The following RPRD2 variants were observed in gnomAD, a reference collection of about 807,000 sequenced individuals.
RPRD2 encodes regulation of nuclear pre-mRNA domain-containing protein 2.
In RPRD2, 12 loss-of-function variants were observed where a neutral mutation model predicts 104.4. That is an observed-to-expected ratio of 0.11 (90% CI 0.07 to 0.19). The LOEUF (loss-of-function observed/expected upper bound fraction) is 0.19. RPRD2 is among the 10% of genes least tolerant of loss of function. The probability of loss-of-function intolerance (pLI) is 1.00; values close to 1 mark genes in which losing one functional copy is unlikely to be tolerated. For synonymous variants in RPRD2, 714 were observed against 684.9 expected, an observed-to-expected ratio of 1.04 and a Z score of -0.66; for missense variants, 1,543 against 1,790.1, an observed-to-expected ratio of 0.86 and a Z score of 2.49.
In RPRD2 at chr1:150,464,602, C is replaced by T; in HGVS notation, c.1487C>T (p.Pro496Leu). The T allele has an allele frequency of 6.2e-7, 1 of 1,609,334 alleles. No homozygotes were observed. The highest frequency in any genetic ancestry group is 8.5e-7 in the Non-Finnish European group (1 of 1,177,802). ...PSNLTSGLKTPAPATTTSHNP... is the reference protein window; with the variant it reads ...PSNLTSGLKTLAPATTTSHNP... ...AACCTCACCAGTGGCCTGAAAACAC[C>T]TGCACCTGCCACGACAACATCTCAC... Residue 496 changes from proline (P) to leucine (L), a missense_variant, in exon 10 of 11, where the codon CCT becomes CTT. Transcript: ENST00000369068.
Position 150,364,586 on chromosome 1 carries a change from C to A in RPRD2, c.-129C>A. ...CTCCAGAAGAGCCCAGCGCGTGCACCATCCCCACCCCCTAGCTTCCCTCCC... is the reference window on the plus strand; with the variant it reads ...CTCCAGAAGAGCCCAGCGCGTGCACAATCCCCACCCCCTAGCTTCCCTCCC... On this transcript the variant is annotated 5_prime_UTR_variant, in exon 1 of 11. Transcript: ENST00000369068. 1 of 606,670 alleles carries A rather than the reference C, an allele frequency of 1.6e-6. No individual in the cohort carries two copies. The highest frequency in any genetic ancestry group is 2.9e-6 in the Non-Finnish European group (1 of 346,404). The allele number at this position is 606,670 out of a possible 1,614,324, so 37.6% of individuals were successfully genotyped here.
intron 2 of RPRD2, among the ~76,000 whole-genome samples, chr1:150,438,151 A>G (rs1553893582): frequency 2.6e-5 from 4 of 151,678 alleles, no homozygotes; most frequent in African/African-American, 9.7e-5. Flanking sequence ...TTAGCCGGGC[A>G]TGGTGTCACT....
intron 1 of RPRD2, among the ~76,000 whole-genome samples, chr1:150,388,389 C>T (rs1661778477): frequency 6.7e-6 from 1 of 149,498 alleles, no homozygotes; most frequent in Non-Finnish European, 1.5e-5. Context: ...TACACGTATA[C>T]ACATGTATAT....
intron 1 of RPRD2, among the ~76,000 whole-genome samples, chr1:150,401,203 C>A (rs902517934): frequency 6.0e-5 from 9 of 149,642 alleles, no homozygotes; most frequent in African/African-American, 2.2e-4. Flanking sequence ...GAGATAGCAT[C>A]TTAGCTGGGC....
chr1:150,402,825 G>A (rs1663152679), intron 1 of RPRD2, among the ~76,000 whole-genome samples: 1 of 152,062 alleles, frequency 6.6e-6, no homozygotes, highest in African/African-American at 2.4e-5. Flanking sequence ...AAATTAGCCG[G>A]GCATGATGGC....
chr1:150,369,482 A>G (rs1572333837), intron 1 of RPRD2, among the ~76,000 whole-genome samples: 1 of 87,608 alleles, frequency 1.1e-5, no homozygotes, highest in Admixed American at 1.8e-4. Flanking sequence ...TTTGAGACGG[A>G]GTCTTGCTCT....
Position 150,472,838 on chromosome 1 carries a change from C to T in RPRD2, c.3890C>T (p.Pro1297Leu), listed in dbSNP as rs1211977496. ...TTTTCTACTCCACCCCCTCCTCCAC[C>T]CCCTGTTGACCACTCTGGAGTTGTA... Reference protein sequence around the residue: ...VPFSTPPPPPPPVDHSGVVPF... With the variant: ...VPFSTPPPPPLPVDHSGVVPF... Residue 1297 changes from proline (P) to leucine (L), a missense_variant, in exon 11 of 11, where the codon CCC (proline) becomes CTC (leucine). Pro to Leu is a moderately conservative substitution (Grantham distance 98). This residue lies in a region of RPRD2 where 880 missense variants were observed against 885.6 expected (regional missense o/e 0.99). Transcript: ENST00000369068. The T allele has an allele frequency of 6.2e-7, 1 of 1,612,286 alleles. No homozygotes were observed. The highest frequency in any genetic ancestry group is 1.3e-5 in the African/African-American group (1 of 74,902).
At chr1:150,451,455 A>G (rs1667163536) in intron 7 of RPRD2, among the ~76,000 whole-genome samples, 1 of 150,796 alleles carries the variant, frequency 6.6e-6, no homozygotes, top group African/African-American at 2.4e-5. Flanking sequence ...CAGGTGGATC[A>G]CGAGGGCAGG....
intron 1 of RPRD2, among the ~76,000 whole-genome samples, chr1:150,377,808 A>G (rs587655384): frequency 1.2e-4 from 19 of 152,262 alleles, no homozygotes; most frequent in Non-Finnish European, 2.5e-4. Flanking sequence ...TCTGCAAAAT[A>G]TGAATTTGTA....
chr1:150,443,821 C>T (rs781950191), intron 5 of RPRD2, among the ~76,000 whole-genome samples: 1 of 150,270 alleles, frequency 6.7e-6, no homozygotes, highest in African/African-American at 2.5e-5. Context: ...CTGGCTAATA[C>T]GGTGAAACCC....
intron 1 of RPRD2, among the ~76,000 whole-genome samples, chr1:150,379,844 T>C (rs947582236): frequency 2.0e-5 from 3 of 152,246 alleles, no homozygotes; most frequent in African/African-American, 4.8e-5. Context: ...CCAGGTTTAA[T>C]TTCATATAGT....
At chr1:150,438,407 C>T (rs1666167640) in intron 2 of RPRD2, among the ~76,000 whole-genome samples, 1 of 151,984 alleles carries the variant, frequency 6.6e-6, no homozygotes, top group South Asian at 2.1e-4. Context: ...GGGCAGATCA[C>T]TTGAGGTCGG....
intron 9 of RPRD2, among the ~76,000 whole-genome samples, chr1:150,461,912 G>A (rs370438638): frequency 6.6e-6 from 1 of 151,860 alleles, no homozygotes; most frequent in African/African-American, 2.4e-5. Context: ...CCCAGGAGGC[G>A]GAGCTTGCAG....
chr1:150,365,429 TAAG>T (rs1659760798), intron 1 of RPRD2, among the ~76,000 whole-genome samples: 2 of 152,288 alleles, frequency 1.3e-5, no homozygotes, highest in South Asian at 2.1e-4. Flanking sequence ...GGATGAATGT[TAAG>T]AAGCAGCATG....
At chr1:150,395,365 T>TTTGTG (rs782263204) in intron 1 of RPRD2, among the ~76,000 whole-genome samples, 2 of 144,076 alleles carry the variant, frequency 1.4e-5, no homozygotes, top group South Asian at 2.2e-4. Context: ...TAGTATTCCA[T>TTTGTG]TGTGTGTGTG....
rs1044825337 is a variant in RPRD2, at chr1:150,470,684, C to T, written c.1736C>T (p.Pro579Leu). ...TVSTIKGRNLPSSAQPFIPKS... is the reference protein window; with the variant it reads ...TVSTIKGRNLLSSAQPFIPKS... ...TCTACCATAAAGGGAAGAAATCTGC[C>T]CTCCAGTGCCCAACCTTTTATTCCC... The change falls in exon 11 of 11, where the codon CCC becomes CTC. Residue 579 changes from proline (P) to leucine (L), a missense_variant. Physicochemically the swap from Pro to Leu is moderately conservative, Grantham distance 98 (BLOSUM62 -3). This residue lies in a region of RPRD2 where 572 missense variants were observed against 787.3 expected (regional missense o/e 0.73). Transcript: ENST00000369068. 3 of 1,613,926 alleles carry T rather than the reference C, an allele frequency of 1.9e-6. No individual in the cohort carries two copies. Among genetic ancestry groups the T allele is most frequent in the Non-Finnish European group, 2.5e-6 (3 of 1,179,906 alleles).
intron 1 of RPRD2, among the ~76,000 whole-genome samples, chr1:150,377,137 G>A (rs587753639): frequency 6.6e-6 from 1 of 151,670 alleles, no homozygotes; most frequent in African/African-American, 2.4e-5. Flanking sequence ...CTTGAACCCA[G>A]GAGGCAGCAG....
chr1:150,441,943 T>C lies in RPRD2; in HGVS notation c.499T>C (p.Trp167Arg). The C allele has an allele frequency of 6.2e-7, 1 of 1,611,210 alleles. No individual in the cohort carries two copies. Among genetic ancestry groups the C allele is most frequent in the Non-Finnish European group, 8.5e-7 (1 of 1,178,534 alleles). Reference protein sequence around the residue: ...ENLNKQPNKQWKKSQTSTNPK... With the variant: ...ENLNKQPNKQRKKSQTSTNPK... ...TCTGAACAAACAACCGAATAAGCAG[T>C]GGAAGAAATCACAAAGTAAGGAACA... The change falls in exon 4 of 11, where the codon TGG (tryptophan) becomes CGG (arginine). Residue 167 changes from tryptophan (W) to arginine (R), a missense_variant. This residue lies in a region of RPRD2 where 572 missense variants were observed against 787.3 expected (regional missense o/e 0.73). Coordinates refer to ENST00000369068, the MANE Select transcript of RPRD2 (RefSeq NM_015203.5).
intron 7 of RPRD2, among the ~76,000 whole-genome samples, chr1:150,451,692 AAT>A (rs2102388921): frequency 6.6e-6 from 1 of 151,052 alleles, no homozygotes; most frequent in African/African-American, 2.4e-5. Context: ...AAAAAAAAAA[AAT>A]CGTCCACCCC....
Sources: gnomAD v4.1 joint callset for allele counts (sites outside exome capture counted in the v4.1 genomes callset) on GRCh38, gnomAD v4.1.1 for gene constraint, gnomAD v4.1.1 regional missense constraint, MANE v1.5 for transcripts, NCBI Gene and HGNC (gene_info 2026-07-23, HGNC 2026-07-21) for gene names.